Variants in EML1 observed in about 807,000 individuals in gnomAD.
The protein encoded by EML1 is echinoderm microtubule-associated protein-like 1.
A neutral mutation model predicts 110.4 loss-of-function variants in EML1; 27 were observed. The ratio of observed to expected loss-of-function variants is 0.24; its 90% CI spans 0.18 to 0.34. EML1 has a LOEUF of 0.34. Among genes scored for constraint, EML1 ranks in the 10% least tolerant of loss-of-function variants. The probability of loss-of-function intolerance (pLI) is 1.00; values close to 1 mark genes in which losing one functional copy is unlikely to be tolerated. For synonymous variants in EML1, 344 were observed against 385.8 expected, an observed-to-expected ratio of 0.89 and a Z score of 1.27; for missense variants, 741 against 1,030.9, an observed-to-expected ratio of 0.72 and a Z score of 3.85.
At chr14:99,820,943 G>A (rs759593565) in intron 1 of EML1, among the ~76,000 whole-genome samples, 5 of 151,714 alleles carry the variant, frequency 3.3e-5, no homozygotes, top group Middle Eastern at 3.4e-3. Flanking sequence ...GAAAGTGCCC[G>A]CCCCCAATTG....
At chr14:99,863,203 A>G (rs1433097525) in intron 2 of EML1, among the ~76,000 whole-genome samples, 2 of 152,236 alleles carry the variant, frequency 1.3e-5, no homozygotes, top group Non-Finnish European at 1.5e-5. Flanking sequence ...ACTAACTAGA[A>G]TACAGTGCTG....
chr14:99,854,214 A>G (rs1010315234), intron 2 of EML1, among the ~76,000 whole-genome samples: 2 of 152,026 alleles, frequency 1.3e-5, no homozygotes, highest in Admixed American at 1.3e-4. Context: ...TGCAGTCAAC[A>G]CTCACTGGCC....
At chr14:99,836,488 G>A (rs1179546946) in intron 1 of EML1, among the ~76,000 whole-genome samples, 1 of 152,130 alleles carries the variant, frequency 6.6e-6, no homozygotes, top group Non-Finnish European at 1.5e-5. Context: ...TTCCCAGTCT[G>A]TATACCTTTT....
intron 5 of EML1, 124 bp from the exon 6 acceptor site, chr14:99,894,505 C>A: frequency 1.7e-6 from 2 of 1,160,472 alleles, no homozygotes; most frequent in Admixed American, 3.8e-5. Context: ...CCTAGGATAT[C>A]AATTAGAATG....
rs202121563 is a variant in EML1, at chr14:99,903,784, C to CTTTTTTTTTTTTTTTTTTTTTTT, written c.1008+2745_1008+2746insTTTTTTTTTTTTTTTTTTTTTTT. ...ACAAAATCTCATAGATAAATCTATT[C>CTTTTTTTTTTTTTTTTTTTTTTT]ATTTTTTTTTTTTTTTTGAGACAGA... On this transcript the variant is annotated intron_variant, in intron 9 of 21. Coordinates refer to ENST00000262233, the MANE Select transcript of EML1 (RefSeq NM_004434.3). Among the ~76,000 whole-genome samples the CTTTTTTTTTTTTTTTTTTTTTTT allele has an allele frequency of 1.4e-5, 2 of 141,612 alleles. 1 individual carries two copies. The highest frequency in any genetic ancestry group is 3.1e-5 in the Non-Finnish European group (2 of 65,538). 92.9% of individuals were successfully genotyped at this position (141,612 alleles called of 152,430 possible).
At chr14:99,805,938 A>C (rs569423779) in intron 1 of EML1, among the ~76,000 whole-genome samples, 4 of 151,984 alleles carry the variant, frequency 2.6e-5, no homozygotes, top group African/African-American at 9.7e-5. Context: ...ATCTTCCCAA[A>C]CTGAAATCTG....
At chr14:99,753,992 C>T (rs1371005286) in intron 1 of EML1, among the ~76,000 whole-genome samples, 1 of 152,196 alleles carries the variant, frequency 6.6e-6, no homozygotes, top group African/African-American at 2.4e-5. Context: ...ACAAGGGCCC[C>T]CCACCCCAGG....
intron 1 of EML1, among the ~76,000 whole-genome samples, chr14:99,841,199 A>G (rs1389443682): frequency 6.6e-6 from 1 of 152,192 alleles, no homozygotes; most frequent in Non-Finnish European, 1.5e-5. Context: ...CATTTCCTCA[A>G]CTTGGCCAGA....
rs79813969 is a variant in EML1, at chr14:99,828,399, C to T, written c.68-22454C>T. On this transcript the variant is annotated intron_variant, in intron 1 of 21. Transcript: ENST00000262233. Reference sequence around the variant, plus strand: ...CCATGAGTCACTTAATAGGAGTCTCCGTTATCAAATGACTATCATGGTATC... The same window carrying T: ...CCATGAGTCACTTAATAGGAGTCTCTGTTATCAAATGACTATCATGGTATC... Among the ~76,000 whole-genome samples the T allele has an allele frequency of 6.8e-3, 1,032 of 152,220 alleles. 6 individuals carry two copies. The highest frequency in any genetic ancestry group is 0.024 in the African/African-American group (991 of 41,520).
chr14:99,754,803 G>A (rs570222954), intron 1 of EML1, among the ~76,000 whole-genome samples: 1 of 152,168 alleles, frequency 6.6e-6, no homozygotes, highest in South Asian at 2.1e-4. Context: ...CCCACGCAGT[G>A]CTGGAGAAAC....
intron 1 of EML1, among the ~76,000 whole-genome samples, chr14:99,748,301 G>A (rs2057136207): frequency 1.3e-5 from 2 of 152,190 alleles, no homozygotes; most frequent in South Asian, 2.1e-4. Context: ...CGAGGCTGCG[G>A]GAATATGTGG....
At chr14:99,930,011 C>T (rs954722277) in intron 17 of EML1, among the ~76,000 whole-genome samples, 7 of 152,244 alleles carry the variant, frequency 4.6e-5, no homozygotes, top group South Asian at 2.1e-4. Context: ...GAAGGACCAA[C>T]GAGCCCCCAG....
At chr14:99,887,383 A>G (rs978915061) in intron 4 of EML1, among the ~76,000 whole-genome samples, 5 of 152,126 alleles carry the variant, frequency 3.3e-5, no homozygotes, top group Non-Finnish European at 7.4e-5. Flanking sequence ...GGGGGGGCAA[A>G]TCCTTTCTCT....
intron 1 of EML1, among the ~76,000 whole-genome samples, chr14:99,796,936 T>TGTGTGTGTGAGAGA (rs368044152): frequency 0.028 from 4,223 of 150,076 alleles, 82 homozygotes; most frequent in Admixed American, 0.046. Context: ...TGTGTGTGTG[T>TGTGTGTGTGAGAGA]GAGAGAGTAA....
At chr14:99,921,924 G>A (rs903853203) in intron 17 of EML1, among the ~76,000 whole-genome samples, 7 of 152,072 alleles carry the variant, frequency 4.6e-5, no homozygotes, top group Non-Finnish European at 1.0e-4. Flanking sequence ...CCCCCAGTCC[G>A]AGGAAACTAC....
At chr14:99,884,036 C>G (rs2059433122) in intron 4 of EML1, among the ~76,000 whole-genome samples, 1 of 152,234 alleles carries the variant, frequency 6.6e-6, no homozygotes. Context: ...TCATTGTGAA[C>G]AAGTGACTTA....
chr14:99,830,511 C>CT lies in EML1; in HGVS notation c.68-20335dup, dbSNP rs201844096. On this transcript the variant is annotated intron_variant, in intron 1 of 21. Coordinates refer to ENST00000262233, the MANE Select transcript of EML1 (RefSeq NM_004434.3). Reference sequence around the variant, plus strand: ...TTCCTCTTCCCTCCTGCTTTCTTGGCTTTTTTTGCACTTTTTGGAGCATTC... The same window carrying CT: ...TTCCTCTTCCCTCCTGCTTTCTTGGCTTTTTTTTGCACTTTTTGGAGCATTC... Among the ~76,000 whole-genome samples the CT allele has an allele frequency of 9.9e-3, 1,508 of 151,916 alleles. 26 individuals are homozygous for CT. The highest frequency in any genetic ancestry group is 0.032 in the African/African-American group (1,335 of 41,386).
chr14:99,908,612 T>G (rs192835754), intron 10 of EML1, among the ~76,000 whole-genome samples: 2 of 152,304 alleles, frequency 1.3e-5, no homozygotes, highest in African/African-American at 4.8e-5. Flanking sequence ...CTCAAGAATG[T>G]GTAACTGCAT....
At chr14:99,840,030 G>T (rs1365827248) in intron 1 of EML1, among the ~76,000 whole-genome samples, 5 of 132,182 alleles carry the variant, frequency 3.8e-5, no homozygotes, top group Non-Finnish European at 8.8e-5. Context: ...TGTACTGATT[G>T]CTTGTATGTT....
Sources: gnomAD v4.1 joint callset for allele counts (sites outside exome capture counted in the v4.1 genomes callset) on GRCh38, gnomAD v4.1.1 for gene constraint, MANE v1.5 for transcripts, NCBI Gene and HGNC (gene_info 2026-07-23, HGNC 2026-07-21) for gene names.